AFF2: variants seen among roughly 807,000 people sequenced by gnomAD.
The protein encoded by AFF2 is ALF transcription elongation factor 2, also known as AF4/FMR2 family member 2.
In AFF2, 14 loss-of-function variants were observed where a neutral mutation model predicts 76.9. That is an observed-to-expected ratio of 0.18 (90% CI 0.12 to 0.28). AFF2 has a LOEUF of 0.28. Ranked by LOEUF, AFF2 falls within the 10% of genes least tolerant of loss-of-function variation. The pLI is 1.00. For synonymous variants in AFF2, 398 were observed against 366.7 expected (o/e 1.09, Z -0.98); for missense variants, 868 against 1,001.1 (o/e 0.87, Z 1.79).
chrX:148,694,503 G>A (rs1373941175), intron 3 of AFF2, among the ~76,000 whole-genome samples: 3 of 111,323 alleles, frequency 2.7e-5, no homozygotes, highest in African/African-American at 9.8e-5. Context: ...GGAGGGTCAA[G>A]TGGAGTTCAT....
At chrX:148,521,213 A>G (rs979235046) in intron 1 of AFF2, among the ~76,000 whole-genome samples, 51 of 111,560 alleles carry the variant, frequency 4.6e-4, no homozygotes, top group Admixed American at 1.9e-4. Flanking sequence ...TGATAATGTC[A>G]CTGTCACCAT....
intron 16 of AFF2, among the ~76,000 whole-genome samples, chrX:148,977,182 A>G (rs956832341): frequency 1.8e-4 from 20 of 112,331 alleles, no homozygotes; most frequent in African/African-American, 6.1e-4. Flanking sequence ...ATTTTATGCA[A>G]TGAATTGATT....
chrX:148,869,149 A>G (rs1226905131), intron 7 of AFF2, among the ~76,000 whole-genome samples: 1 of 112,259 alleles, frequency 8.9e-6, no homozygotes, highest in African/African-American at 3.2e-5. Context: ...CTTCATAAGA[A>G]ATATCTAGAA....
chrX:148,708,405 C>T (rs1465612401), intron 3 of AFF2, among the ~76,000 whole-genome samples: 1 of 111,632 alleles, frequency 9.0e-6, no homozygotes, highest in East Asian at 2.8e-4. Context: ...TGGCTTTATT[C>T]TCATATTCTT....
chrX:148,721,841 C>T (rs182865669), intron 3 of AFF2, among the ~76,000 whole-genome samples: 1 of 111,885 alleles, frequency 8.9e-6, no homozygotes, highest in African/African-American at 3.2e-5. Flanking sequence ...CGGGCGTTGC[C>T]GTAGCACTTC....
At chrX:148,988,892 A>C (rs910208715) in intron 20 of AFF2, among the ~76,000 whole-genome samples, 2 of 112,216 alleles carry the variant, frequency 1.8e-5, no homozygotes, top group African/African-American at 6.5e-5. Context: ...CTGAGGCTCT[A>C]TGAGATTAAG....
At chrX:148,833,949 C>A (rs976894292) in intron 4 of AFF2, among the ~76,000 whole-genome samples, 50 of 112,274 alleles carry the variant, frequency 4.5e-4, no homozygotes, top group Non-Finnish European at 8.4e-4. Flanking sequence ...AGACTGTCTT[C>A]TGTCCTTCAG....
chrX:148,740,522 T>C (rs2055338332), intron 3 of AFF2, among the ~76,000 whole-genome samples: 1 of 112,165 alleles, frequency 8.9e-6, no homozygotes, highest in African/African-American at 3.2e-5. Context: ...TTATTTAAGC[T>C]ATCTATTTCC....
At chrX:148,869,264 C>T (rs2070943341) in intron 7 of AFF2, among the ~76,000 whole-genome samples, 1 of 111,371 alleles carries the variant, frequency 9.0e-6, no homozygotes, top group South Asian at 3.8e-4. Context: ...TACAGGGTTT[C>T]ATTCTGGAGT....
At chrX:148,960,748 A>G (rs2072099624) in intron 12 of AFF2, among the ~76,000 whole-genome samples, 2 of 112,239 alleles carry the variant, frequency 1.8e-5, no homozygotes, top group South Asian at 7.5e-4. Context: ...CCATAGTTCA[A>G]CAGAAGGACT....
intron 1 of AFF2, among the ~76,000 whole-genome samples, chrX:148,530,110 C>T (rs1344114523): frequency 3.6e-5 from 4 of 111,366 alleles, no homozygotes; most frequent in Non-Finnish European, 7.5e-5. Context: ...ATACCTGTGC[C>T]TACTTCATGG....
At chrX:148,763,260 TG>T (rs782520876) in intron 3 of AFF2, among the ~76,000 whole-genome samples, 1 of 112,152 alleles carries the variant, frequency 8.9e-6, no homozygotes, top group African/African-American at 3.2e-5. Flanking sequence ...TTTTACTTCC[TG>T]GGCTTTTCCA....
intron 14 of AFF2, 72 bp from the exon 15 acceptor site, chrX:148,967,557 G>A: frequency 1.0e-6 from 1 of 971,093 alleles, no homozygotes; most frequent in South Asian, 2.1e-5. Context: ...TAGCAGAAAA[G>A]GTTTGATGAT....
intron 1 of AFF2, among the ~76,000 whole-genome samples, chrX:148,597,442 A>G (rs1269202952): frequency 1.8e-5 from 2 of 112,036 alleles, no homozygotes; most frequent in East Asian, 5.6e-4. Context: ...TAACTAATTA[A>G]CAGCCATTCT....
intron 1 of AFF2, among the ~76,000 whole-genome samples, chrX:148,513,138 A>AGTAC (rs1557233342): frequency 8.9e-6 from 1 of 112,498 alleles, no homozygotes; most frequent in African/African-American, 3.2e-5. Context: ...TTAAACCTGG[A>AGTAC]GTACATATTA....
rs1461495812 is a variant in AFF2, at chrX:148,978,577, A to G, written c.3570+122A>G. On this transcript the variant is annotated intron_variant, in intron 18 of 20. Transcript: ENST00000370460. ...TTAACCTCTCTCCTCCCTGCTGGCC[A>G]TGGCCGTCCTACCCTTCCTTAAGGG... 1.6e-4 allele frequency: 78 copies of G among 491,654 alleles called. 2 individuals are homozygous for G. Among genetic ancestry groups the G allele is most frequent in the Middle Eastern group, 4.8e-4 (1 of 2,070 alleles). 40.5% of individuals were successfully genotyped at this position (491,654 alleles called of 1,213,427 possible).
intron 9 of AFF2, among the ~76,000 whole-genome samples, chrX:148,950,133 C>T (rs1557286465): frequency 8.9e-6 from 1 of 112,638 alleles, no homozygotes; most frequent in Non-Finnish European, 1.9e-5. Flanking sequence ...AGAATGTGGC[C>T]TTAAGCCAAC....
chrX:148,626,352 C>T (rs1384547288), intron 1 of AFF2, among the ~76,000 whole-genome samples: 1 of 110,246 alleles, frequency 9.1e-6, no homozygotes, highest in Non-Finnish European at 1.9e-5. Context: ...CTACTCCCAC[C>T]TTTGTCAACC....
chrX:148,866,778 A>T (rs927771214), intron 7 of AFF2, among the ~76,000 whole-genome samples: 1 of 112,616 alleles, frequency 8.9e-6, no homozygotes, highest in Non-Finnish European at 1.9e-5. Flanking sequence ...GCATTTATTC[A>T]ATTTAGTGCT....
Sources: allele counts gnomAD v4.1 joint callset (sites outside exome capture counted in the v4.1 genomes callset), GRCh38; gene constraint gnomAD v4.1.1; transcripts MANE v1.5; gene names NCBI Gene and HGNC (gene_info 2026-07-23, HGNC 2026-07-21).